Variants in ARL6IP6 observed in about 807,000 individuals in gnomAD.
ARL6IP6 encodes the protein ADP-ribosylation factor-like protein 6-interacting protein 6.
A neutral mutation model predicts 21.5 loss-of-function variants in ARL6IP6; 22 were observed. The observed-to-expected ratio is 1.02, with a 90% CI of 0.73 to 1.46. The LOEUF (loss-of-function observed/expected upper bound fraction) is 1.46. Ranked by LOEUF, ARL6IP6 falls within the 40% of genes most tolerant of loss-of-function variation. The pLI, the probability that ARL6IP6 is intolerant of heterozygous loss-of-function variation, is 0.00. For missense variants in ARL6IP6, 388 were observed against 299.8 expected (o/e 1.29, Z -2.17); for synonymous variants, 164 against 125.3 (o/e 1.31, Z -2.06).
intron 3 of ARL6IP6, among the ~76,000 whole-genome samples, chr2:152,746,069 T>C (rs1354163220): frequency 1.5e-5 from 2 of 135,842 alleles, no homozygotes; most frequent in Non-Finnish European, 3.1e-5. Context: ...CCAGGCTAGA[T>C]AGCAGTGGCA....
chr2:152,753,912 A>G (rs1235750967), intron 3 of ARL6IP6, among the ~76,000 whole-genome samples: 1 of 151,912 alleles, frequency 6.6e-6, no homozygotes, highest in Non-Finnish European at 1.5e-5. Flanking sequence ...CATGTTAGCC[A>G]AGATGGTCTC....
At chr2:152,719,215 T>G (rs1135617) in intron 1 of ARL6IP6, among the ~76,000 whole-genome samples, 191 bp downstream of exon 1, 20,001 of 152,164 alleles carry the variant, frequency 0.13, 1,579 homozygotes, top group Middle Eastern at 0.24. Flanking sequence ...TCCTGATCCA[T>G]GATCAGGAGA....
chr2:152,742,907 G>A (rs567293765), intron 3 of ARL6IP6, among the ~76,000 whole-genome samples: 3 of 152,230 alleles, frequency 2.0e-5, no homozygotes, highest in African/African-American at 4.8e-5. Flanking sequence ...CAAGTAATTT[G>A]CAAGTAACAT....
intron 3 of ARL6IP6, among the ~76,000 whole-genome samples, chr2:152,755,170 G>A (rs925072367): frequency 1.1e-4 from 17 of 152,216 alleles, no homozygotes; most frequent in African/African-American, 3.4e-4. Context: ...CCTGGCCAGG[G>A]CCACCAGAGG....
chr2:152,719,724 T>C (rs895603122), intron 1 of ARL6IP6, among the ~76,000 whole-genome samples: 1 of 143,976 alleles, frequency 6.9e-6, no homozygotes, highest in Non-Finnish European at 1.5e-5. Flanking sequence ...CCATTCTCAC[T>C]AGTTTGTGAC....
At chr2:152,717,710 G>A (rs1699194426), upstream of ARL6IP6, 19 of 1,379,466 alleles carry the variant, frequency 1.4e-5, no homozygotes, top group Non-Finnish European at 1.6e-5. Context: ...CTTCCCCAGG[G>A]GAAGGGAAGA....
intron 2 of ARL6IP6, among the ~76,000 whole-genome samples, chr2:152,730,573 A>G (rs1361676836): frequency 6.6e-6 from 1 of 152,066 alleles, no homozygotes; most frequent in African/African-American, 2.4e-5. Flanking sequence ...ATAGATTGGT[A>G]GGAAGGTTAT....
At chr2:152,734,393 A>C (rs117589993) in intron 2 of ARL6IP6, among the ~76,000 whole-genome samples, 3 of 152,240 alleles carry the variant, frequency 2.0e-5, no homozygotes, top group African/African-American at 7.2e-5. Context: ...AATTGAGGCA[A>C]GTTTCAAAAG....
chr2:152,718,128 G>T (rs3811566), upstream of ARL6IP6: 216 of 942,314 alleles, frequency 2.3e-4, 2 homozygotes, highest in African/African-American at 3.6e-3. Flanking sequence ...AGGTAGAGAG[G>T]TGCCCTTAAT....
upstream of ARL6IP6, chr2:152,718,297 G>T: frequency 3.5e-6 from 1 of 285,002 alleles, no homozygotes; most frequent in Non-Finnish European, 6.1e-6. Context: ...TGGTGACGCG[G>T]GGGTGGCGGA....
intron 2 of ARL6IP6, among the ~76,000 whole-genome samples, chr2:152,724,081 G>A (rs1574014939): frequency 7.5e-6 from 1 of 132,472 alleles, no homozygotes; most frequent in Non-Finnish European, 1.6e-5. Context: ...TTACCTATTT[G>A]TATTATTCAA....
intron 3 of ARL6IP6, among the ~76,000 whole-genome samples, chr2:152,737,584 T>A (rs1171319722): frequency 3.3e-5 from 5 of 152,082 alleles, no homozygotes; most frequent in Non-Finnish European, 5.9e-5. Flanking sequence ...GGCCTCACAA[T>A]TATGGTAGAA....
At chr2:152,728,762 G>A (rs1700161071) in intron 2 of ARL6IP6, among the ~76,000 whole-genome samples, 2 of 152,106 alleles carry the variant, frequency 1.3e-5, no homozygotes, top group African/African-American at 4.8e-5. Context: ...GAAAAGATTA[G>A]TATACATCAT....
chr2:152,731,080 G>C (rs1462084755), intron 2 of ARL6IP6, among the ~76,000 whole-genome samples: 2 of 152,146 alleles, frequency 1.3e-5, no homozygotes, highest in African/African-American at 2.4e-5. Flanking sequence ...GTGCATTCAA[G>C]ACATATTGTG....
chr2:152,726,557 A>G (rs963901764), intron 2 of ARL6IP6, among the ~76,000 whole-genome samples: 9 of 152,264 alleles, frequency 5.9e-5, no homozygotes, highest in African/African-American at 1.4e-4. Context: ...TTAGAAAACT[A>G]TAGAATCTAA....
intron 3 of ARL6IP6, among the ~76,000 whole-genome samples, chr2:152,745,266 T>C (rs1008529625): frequency 1.3e-5 from 2 of 152,166 alleles, no homozygotes; most frequent in African/African-American, 4.8e-5. Flanking sequence ...AGTTGAATCA[T>C]AATATGCAAT....
intron 3 of ARL6IP6, among the ~76,000 whole-genome samples, chr2:152,736,546 A>G (rs1292817447): frequency 1.3e-5 from 2 of 152,286 alleles, no homozygotes; most frequent in South Asian, 2.1e-4. Context: ...TTTAAATGTC[A>G]TTAGAATGCT....
intron 2 of ARL6IP6, among the ~76,000 whole-genome samples, chr2:152,731,856 AATAC>A (rs1409196437): frequency 6.6e-6 from 1 of 152,108 alleles, no homozygotes; most frequent in Non-Finnish European, 1.5e-5. Context: ...GTATGTGTAT[AATAC>A]ATATTTTCCC....
intron 2 of ARL6IP6, among the ~76,000 whole-genome samples, chr2:152,728,073 T>C (rs1034452278): frequency 1.3e-5 from 2 of 152,196 alleles, no homozygotes; most frequent in Non-Finnish European, 2.9e-5. Flanking sequence ...TTCACTGTTA[T>C]AGGAAAAATA....
Sources: gnomAD v4.1 joint callset for allele counts (sites outside exome capture counted in the v4.1 genomes callset) on GRCh38, gnomAD v4.1.1 for gene constraint, MANE v1.5 for transcripts, NCBI Gene and HGNC (gene_info 2026-07-23, HGNC 2026-07-21) for gene names.